TENM3: variants seen among roughly 807,000 people sequenced by gnomAD.
TENM3 encodes teneurin-3.
Under a neutral mutation model 255.1 loss-of-function variants are expected in TENM3, and 63 were observed. The observed-to-expected ratio is 0.25, with a 90% CI of 0.20 to 0.30. The LOEUF is 0.30. Among genes scored for constraint, TENM3 ranks in the 10% least tolerant of loss-of-function variants. TENM3 has a pLI of 1.00. For synonymous variants in TENM3, 1,306 were observed against 1,322.3 expected (o/e 0.99, Z 0.27); for missense variants, 2,929 against 3,461.1 (o/e 0.85, Z 3.86).
chr4:182,284,434 A>C (rs566915687), intron 1 of TENM3, among the ~76,000 whole-genome samples: 1 of 152,330 alleles, frequency 6.6e-6, no homozygotes, highest in African/African-American at 2.4e-5. Flanking sequence ...TGGTATTTTA[A>C]ATCTATCTGC....
chr4:182,101,141 A>AGGG, the TENM3 span, among the ~76,000 whole-genome samples: 4 of 116,300 alleles, frequency 3.4e-5, no homozygotes, highest in African/African-American at 1.3e-4. Flanking sequence ...GAAGGAAGGA[A>AGGG]AGAAGGGAGG....
chr4:182,467,776 C>T (rs966409077), intron 3 of TENM3, among the ~76,000 whole-genome samples: 2 of 152,072 alleles, frequency 1.3e-5, no homozygotes, highest in Non-Finnish European at 2.9e-5. Flanking sequence ...TAGTTTAAAC[C>T]CATCTTTATG....
At chr4:181,995,301 A>C in the TENM3 span, among the ~76,000 whole-genome samples, 1 of 152,098 alleles carries the variant, frequency 6.6e-6, no homozygotes, top group Non-Finnish European at 1.5e-5. Context: ...AACAAAAAAA[A>C]AAAGAAAGAA....
the TENM3 span, among the ~76,000 whole-genome samples, chr4:181,918,901 A>G: frequency 6.6e-6 from 1 of 152,210 alleles, no homozygotes; most frequent in African/African-American, 2.4e-5. Flanking sequence ...AATAAATAAT[A>G]AATTCAAAAA....
At chr4:182,475,499 G>A (rs931228914) in intron 3 of TENM3, among the ~76,000 whole-genome samples, 2 of 152,008 alleles carry the variant, frequency 1.3e-5, no homozygotes, top group Non-Finnish European at 2.9e-5. Flanking sequence ...TATCATTGAT[G>A]ACGGGGGTGT....
At chr4:182,144,528 G>C (rs963121400), upstream of TENM3, 204 of 149,328 alleles carry the variant, frequency 1.4e-3, no homozygotes, top group African/African-American at 4.4e-3. Flanking sequence ...CTCCCCTCCC[G>C]CGTCCCCGGG....
At chr4:182,098,071 A>G in the TENM3 span, among the ~76,000 whole-genome samples, 1 of 152,230 alleles carries the variant, frequency 6.6e-6, no homozygotes, top group Non-Finnish European at 1.5e-5. Context: ...GCCAACAGGT[A>G]TATGAAAAAA....
the TENM3 span, among the ~76,000 whole-genome samples, chr4:181,779,208 A>G: frequency 0.063 from 9,585 of 151,862 alleles, 612 homozygotes; most frequent in African/African-American, 0.16. Context: ...GGTAAAGGCT[A>G]CTGCTCCATT....
Position 182,755,264 on chromosome 4 carries a change from G to A in TENM3, c.4892+5G>A, listed in dbSNP as rs756866811. On this transcript the variant is annotated splice_donor_5th_base_variant and intron_variant, in intron 22 of 27. Transcript: ENST00000511685. ...TGGATGGACAACGTTTTTTGAGTAAGTATATGAAAATTCTACTCTGATTAT... is the reference window on the plus strand; with the variant it reads ...TGGATGGACAACGTTTTTTGAGTAAATATATGAAAATTCTACTCTGATTAT... 1 of 1,579,204 alleles carries A rather than the reference G, an allele frequency of 6.3e-7. No individual in the cohort carries two copies.
chr4:181,947,817 A>C, the TENM3 span, among the ~76,000 whole-genome samples: 1 of 152,152 alleles, frequency 6.6e-6, no homozygotes, highest in African/African-American at 2.4e-5. Context: ...TGTAAAATGA[A>C]TCTGTTCGGA....
intron 3 of TENM3, among the ~76,000 whole-genome samples, chr4:182,487,844 T>C (rs982234610): frequency 6.6e-6 from 1 of 152,178 alleles, no homozygotes; most frequent in Non-Finnish European, 1.5e-5. Context: ...AGTACGTATC[T>C]CATAAATATT....
chr4:182,713,292 C>G (rs966420726), intron 12 of TENM3, among the ~76,000 whole-genome samples: 1 of 152,116 alleles, frequency 6.6e-6, no homozygotes, highest in Non-Finnish European at 1.5e-5. Flanking sequence ...TTATTGTGGT[C>G]CTTATGGTAT....
chr4:182,316,679 C>T (rs1762764553), intron 1 of TENM3, among the ~76,000 whole-genome samples: 1 of 149,986 alleles, frequency 6.7e-6, no homozygotes, highest in Admixed American at 6.6e-5. Context: ...ATCATTCTTT[C>T]TGTGCCCTCC....
chr4:181,706,115 G>A, the TENM3 span, among the ~76,000 whole-genome samples: 2 of 152,064 alleles, frequency 1.3e-5, no homozygotes, highest in African/African-American at 2.4e-5. Flanking sequence ...CCATGAGGGA[G>A]GAGCTGTTCC....
intron 2 of TENM3, among the ~76,000 whole-genome samples, chr4:182,328,914 C>T (rs536657962): frequency 1.2e-4 from 18 of 151,952 alleles, no homozygotes; most frequent in African/African-American, 4.3e-4. Flanking sequence ...TCCCCACTGC[C>T]GGACCTCCCT....
rs531665567 is a variant in TENM3, at chr4:182,712,615, T to C, written c.2222-1472T>C. 5.3e-5 allele frequency among the ~76,000 whole-genome samples: 8 copies of C among 152,280 alleles called. No individual in the cohort carries two copies. The East Asian group carries it at 1.3e-3, about 26-fold the overall frequency. On this transcript the variant is annotated intron_variant, in intron 12 of 27. Transcript: ENST00000511685. ...CCATGAGAGACAGTCGAAATAGTCT[T>C]CTTTCTGTTAACTCTAATCTTAAGA...
At chr4:181,810,300 C>T in the TENM3 span, among the ~76,000 whole-genome samples, 111 of 152,222 alleles carry the variant, frequency 7.3e-4, 1 homozygote, top group Middle Eastern at 3.4e-3. Context: ...GGAAGAACAA[C>T]GACAGCTGTG....
the TENM3 span, among the ~76,000 whole-genome samples, chr4:181,920,903 T>C: frequency 6.6e-6 from 1 of 152,192 alleles, no homozygotes; most frequent in African/African-American, 2.4e-5. Flanking sequence ...CTTGAATTGA[T>C]TTTTGTATAA....
chr4:182,703,713 A>T (rs1758066127), intron 12 of TENM3, among the ~76,000 whole-genome samples: 2 of 152,234 alleles, frequency 1.3e-5, no homozygotes, highest in African/African-American at 4.8e-5. Context: ...AGGATTGTTC[A>T]GTTTTGTTTA....
Sources: gnomAD v4.1 joint callset for allele counts (sites outside exome capture counted in the v4.1 genomes callset) on GRCh38, gnomAD v4.1.1 for gene constraint, MANE v1.5 for transcripts, NCBI Gene and HGNC (gene_info 2026-07-23, HGNC 2026-07-21) for gene names.